ARID2: variants seen among roughly 807,000 people sequenced by gnomAD.
The protein encoded by ARID2 is AT-rich interactive domain-containing protein 2.
Under a neutral mutation model 184.6 loss-of-function variants are expected in ARID2, and 32 were observed. That is an observed-to-expected ratio of 0.17 (90% CI 0.13 to 0.23). The LOEUF (loss-of-function observed/expected upper bound fraction) is 0.23. ARID2 is among the 10% of genes least tolerant of loss of function. The pLI, the probability that ARID2 is intolerant of heterozygous loss-of-function variation, is 1.00. For synonymous variants in ARID2, 836 were observed against 772.6 expected (o/e 1.08, Z -1.36); for missense variants, 1,696 against 2,197.6 (o/e 0.77, Z 4.56).
At chr12:45,789,861 A>G (rs1226552442) in intron 3 of ARID2, among the ~76,000 whole-genome samples, 2 of 152,166 alleles carry the variant, frequency 1.3e-5, no homozygotes, top group Non-Finnish European at 2.9e-5. Context: ...TTATGTCTGT[A>G]ATCCTAGCAC....
chr12:45,758,310 T>C (rs1254278358), intron 3 of ARID2, among the ~76,000 whole-genome samples: 1 of 152,204 alleles, frequency 6.6e-6, no homozygotes, highest in Non-Finnish European at 1.5e-5. Flanking sequence ...CCCCGTGGGC[T>C]GTATGAGGCC....
intron 3 of ARID2, among the ~76,000 whole-genome samples, chr12:45,788,026 G>A (rs12580303): frequency 0.14 from 21,830 of 152,100 alleles, 2,028 homozygotes; most frequent in Middle Eastern, 0.21. Flanking sequence ...ACAACATACT[G>A]TTTTGAAGTA....
intron 11 of ARID2, chr12:45,840,236 A>C (rs1216196783): frequency 6.6e-6 from 1 of 151,202 alleles, no homozygotes; most frequent in East Asian, 1.9e-4. Flanking sequence ...CTATCCTCTC[A>C]CCTCCTGCTG....
chr12:45,782,983 A>C (rs1259029805), intron 3 of ARID2, among the ~76,000 whole-genome samples: 1 of 151,988 alleles, frequency 6.6e-6, no homozygotes, highest in Non-Finnish European at 1.5e-5. Flanking sequence ...AAAATTAGCC[A>C]GGGGTGGTCG....
chr12:45,782,586 C>A (rs549356475), intron 3 of ARID2, among the ~76,000 whole-genome samples: 4 of 152,052 alleles, frequency 2.6e-5, no homozygotes, highest in Admixed American at 6.5e-5. Context: ...GAGCCGAGAT[C>A]GCGCCATTAC....
chr12:45,820,184 G>A (rs1942874501), intron 5 of ARID2, among the ~76,000 whole-genome samples: 1 of 152,138 alleles, frequency 6.6e-6, no homozygotes, highest in African/African-American at 2.4e-5. Context: ...TGAGGTCACT[G>A]TAGTTAATTT....
At chr12:45,769,725 C>G (rs1346105285) in intron 3 of ARID2, among the ~76,000 whole-genome samples, 1 of 152,146 alleles carries the variant, frequency 6.6e-6, no homozygotes, top group African/African-American at 2.4e-5. Flanking sequence ...TGAATAAATG[C>G]AGAGAGATTC....
chr12:45,743,285 C>A (rs1414391889), intron 3 of ARID2, among the ~76,000 whole-genome samples: 1 of 151,928 alleles, frequency 6.6e-6, no homozygotes, highest in Non-Finnish European at 1.5e-5. Flanking sequence ...AGGAGAAAGG[C>A]TTGAACCCAG....
chr12:45,899,202 G>T (rs1944410852), intron 20 of ARID2, among the ~76,000 whole-genome samples: 1 of 148,078 alleles, frequency 6.8e-6, no homozygotes, highest in African/African-American at 2.5e-5. Flanking sequence ...AACCCGTAAG[G>T]CGGAGGTTGC....
chr12:45,763,408 T>G (rs1941716346), intron 3 of ARID2, among the ~76,000 whole-genome samples: 1 of 151,568 alleles, frequency 6.6e-6, no homozygotes, highest in Non-Finnish European at 1.5e-5. Flanking sequence ...AGGCGGAGGT[T>G]GCAGTGAGCC....
At chr12:45,764,125 A>G (rs150026182) in intron 3 of ARID2, among the ~76,000 whole-genome samples, 107 of 152,110 alleles carry the variant, frequency 7.0e-4, no homozygotes, top group African/African-American at 2.5e-3. Flanking sequence ...CTACTTTTTC[A>G]TTTAAGACTA....
At chr12:45,766,519 A>G (rs1332137140) in intron 3 of ARID2, among the ~76,000 whole-genome samples, 1 of 140,216 alleles carries the variant, frequency 7.1e-6, no homozygotes, top group Non-Finnish European at 1.6e-5. Context: ...TATTTTATTT[A>G]TTTATTTATT....
intron 2 of ARID2, 122 bp from the exon 3 acceptor site, chr12:45,731,095 C>G: frequency 1.4e-6 from 1 of 710,258 alleles, no homozygotes. Context: ...CCGATCGATC[C>G]GAAACACCCA....
intron 3 of ARID2, among the ~76,000 whole-genome samples, chr12:45,776,764 A>G (rs1267388810): frequency 2.0e-5 from 3 of 150,494 alleles, no homozygotes; most frequent in African/African-American, 7.3e-5. Context: ...AGCCTGGGCA[A>G]CATAGTGAGA....
chr12:45,891,955 T>C, intron 17 of ARID2, 37 bp downstream of exon 17: 2 of 1,614,112 alleles, frequency 1.2e-6, no homozygotes, highest in East Asian at 4.5e-5. Context: ...AGTAACTCAT[T>C]TGACTGCATT....
At position 45,730,140 on chromosome 12, in the gene ARID2, G is replaced by A. The variant is rs2137960008; in HGVS notation, c.186+3G>A. ...CTACTTTAGGCGGATTCGCGAAGGT[G>A]AGTGGAAGTTTTAATTTGTATTTCC... On this transcript the variant is annotated splice_donor_region_variant and intron_variant, in intron 2 of 20. Transcript: ENST00000334344. The A allele has an allele frequency of 6.2e-7, 1 of 1,612,438 alleles. No homozygotes were observed. The highest frequency in any genetic ancestry group is 8.5e-7 in the Non-Finnish European group (1 of 1,179,092).
At chr12:45,802,065 C>G (rs1444171463) in intron 3 of ARID2, among the ~76,000 whole-genome samples, 6 of 147,714 alleles carry the variant, frequency 4.1e-5, no homozygotes, top group Admixed American at 2.7e-4. Context: ...TTGGCTCCCC[C>G]ACCCCCACCC....
chr12:45,835,796 A>C (rs1318609730), intron 6 of ARID2, among the ~76,000 whole-genome samples: 4 of 151,972 alleles, frequency 2.6e-5, no homozygotes, highest in African/African-American at 9.7e-5. Context: ...GCTACTCGGG[A>C]GGCTGAGGTA....
At chr12:45,770,598 A>G (rs775355373) in intron 3 of ARID2, among the ~76,000 whole-genome samples, 1 of 152,188 alleles carries the variant, frequency 6.6e-6, no homozygotes, top group Non-Finnish European at 1.5e-5. Flanking sequence ...ATTTTATTGA[A>G]TGACAGAACA....
Sources: gnomAD v4.1 joint callset for allele counts (sites outside exome capture counted in the v4.1 genomes callset) on GRCh38, gnomAD v4.1.1 for gene constraint, MANE v1.5 for transcripts, NCBI Gene and HGNC (gene_info 2026-07-23, HGNC 2026-07-21) for gene names.